The following COL21A1 variants were observed in gnomAD, a reference collection of about 807,000 sequenced individuals.
The protein encoded by COL21A1 is collagen type XXI alpha 1 chain.
COL21A1 carries 149 observed loss-of-function variants against 137.9 expected under a neutral mutation model. That is an observed-to-expected ratio of 1.08 (90% CI 0.95 to 1.24). The LOEUF (loss-of-function observed/expected upper bound fraction) is 1.24, where lower values mean the gene tolerates loss of function less well. Ranked by LOEUF, COL21A1 falls within the 50% of genes most tolerant of loss-of-function variation. The pLI is 0.00. For missense variants in COL21A1, 1,167 were observed against 1,158.4 expected (o/e 1.01, Z -0.11); for synonymous variants, 456 against 391.5 (o/e 1.16, Z -1.95).
At chr6:56,351,902 G>A (rs952979381) in intron 1 of COL21A1, among the ~76,000 whole-genome samples, 16 of 152,170 alleles carry the variant, frequency 1.1e-4, no homozygotes, top group Non-Finnish European at 2.9e-5. Flanking sequence ...CTAGTGTGAG[G>A]TAAATGAAGC....
chr6:56,308,477 C>T (rs1022483887), intron 1 of COL21A1, among the ~76,000 whole-genome samples: 1 of 152,090 alleles, frequency 6.6e-6, no homozygotes, highest in Non-Finnish European at 1.5e-5. Context: ...AAGCCAGTCA[C>T]CAAAAGACAA....
At chr6:56,251,051 G>C (rs921914666), upstream of COL21A1, among the ~76,000 whole-genome samples, 1 of 152,060 alleles carries the variant, frequency 6.6e-6, no homozygotes, top group African/African-American at 2.4e-5. Context: ...GATCAAAAAA[G>C]CCCTTCATTT....
chr6:56,085,636 A>G (rs1200787094), intron 17 of COL21A1, among the ~76,000 whole-genome samples: 4 of 151,880 alleles, frequency 2.6e-5, no homozygotes. Context: ...CCTCTTTTTG[A>G]TCTACTTGTT....
chr6:56,171,850 C>A (rs1777086736), intron 3 of COL21A1, among the ~76,000 whole-genome samples: 1 of 151,764 alleles, frequency 6.6e-6, no homozygotes, highest in Non-Finnish European at 1.5e-5. Flanking sequence ...GTATGATATA[C>A]TTTAGCTGAA....
chr6:56,263,742 T>C (rs1480895167), intron 1 of COL21A1, among the ~76,000 whole-genome samples: 2 of 152,226 alleles, frequency 1.3e-5, no homozygotes, highest in East Asian at 1.9e-4. Context: ...CAAGACTCTA[T>C]GGCTTAATGT....
At chr6:56,307,738 G>A (rs147375924) in intron 1 of COL21A1, among the ~76,000 whole-genome samples, 6 of 152,198 alleles carry the variant, frequency 3.9e-5, no homozygotes, top group South Asian at 2.1e-4. Flanking sequence ...TCCTGCACCC[G>A]CTTTCCGACA....
intron 1 of COL21A1, among the ~76,000 whole-genome samples, chr6:56,323,335 C>T (rs1473236144): frequency 6.6e-6 from 1 of 152,100 alleles, no homozygotes; most frequent in Non-Finnish European, 1.5e-5. Context: ...TGGAAACAAA[C>T]TCAAAGATAA....
chr6:56,359,751 G>A (rs1444390833), intron 1 of COL21A1, among the ~76,000 whole-genome samples: 3 of 152,162 alleles, frequency 2.0e-5, no homozygotes, highest in Non-Finnish European at 4.4e-5. Flanking sequence ...ATTAAACTCA[G>A]TGGTTTTGGC....
In COL21A1 at chr6:56,179,877, GTGTTTCC is replaced by G. The variant is rs1561954190; in HGVS notation, c.334_340del (p.Gly112GlnfsTer22). ...AAACTGGATGGCCTTCCCTGTCTTT[GTGTTTCC>G]TCCTAAGTAGAGTATGGATTCCACT... On this transcript the variant is annotated frameshift_variant, in exon 3 of 30. Coordinates refer to ENST00000244728, the MANE Select transcript of COL21A1 (RefSeq NM_030820.4). LOFTEE classifies it high-confidence loss of function. 1 of 1,613,936 alleles carries G rather than the reference GTGTTTCC, an allele frequency of 6.2e-7. No homozygotes were observed. Among genetic ancestry groups the G allele is most frequent in the Admixed American group, 1.7e-5 (1 of 60,006 alleles).
At chr6:56,314,931 C>A (rs1764698285) in intron 1 of COL21A1, among the ~76,000 whole-genome samples, 6 of 152,112 alleles carry the variant, frequency 3.9e-5, no homozygotes, top group Non-Finnish European at 7.4e-5. Flanking sequence ...GATTTGAGCA[C>A]CTGTAGACAA....
chr6:56,129,675 C>T (rs190298626), intron 12 of COL21A1, among the ~76,000 whole-genome samples: 21 of 136,480 alleles, frequency 1.5e-4, no homozygotes, highest in South Asian at 1.0e-3. Context: ...CACGTGCGTG[C>T]GTGTGTGTGT....
At chr6:56,185,426 CTTTTTT>C (rs777045553) in intron 1 of COL21A1, among the ~76,000 whole-genome samples, 1 of 100,170 alleles carries the variant, frequency 1.0e-5, no homozygotes, top group East Asian at 3.8e-4. Context: ...AATGAACAGT[CTTTTTT>C]TTTTTTTTTT....
chr6:56,090,283 G>A (rs867723858), intron 17 of COL21A1, among the ~76,000 whole-genome samples: 7 of 152,100 alleles, frequency 4.6e-5, no homozygotes, highest in East Asian at 3.8e-4. Flanking sequence ...GATCAGTGCC[G>A]TAGACACAGA....
rs560406439 is a variant in COL21A1, at chr6:56,292,099, G to A, written c.-39+101872C>T. 2.4e-4 allele frequency among the ~76,000 whole-genome samples: 37 copies of A among 152,180 alleles called. 1 individual carries two copies. Among genetic ancestry groups the A allele is most frequent in the African/African-American group, 8.2e-4 (34 of 41,508 alleles). On this transcript the variant is annotated intron_variant, in intron 1 of 28. Coordinates refer to the COL21A1 transcript ENST00000370819. ...CAGGAGAATAGCTTGAACCCGGGAC[G>A]TGGAGGTTGCAGTGAGCTGAGATCA... is the stretch of plus-strand genomic sequence containing the variant.
chr6:56,066,172 A>G (rs1766226028), intron 23 of COL21A1, among the ~76,000 whole-genome samples: 1 of 151,852 alleles, frequency 6.6e-6, no homozygotes, highest in Admixed American at 6.6e-5. Context: ...CTTAACATTT[A>G]CCTCACTCCC....
At chr6:56,100,863 T>G (rs1770395109) in intron 17 of COL21A1, among the ~76,000 whole-genome samples, 1 of 152,194 alleles carries the variant, frequency 6.6e-6, no homozygotes, top group South Asian at 2.1e-4. Context: ...ACACCTCAGC[T>G]ATTACTTCAG....
At position 56,269,364 on chromosome 6, in the gene COL21A1, G is replaced by A. The variant is rs545415237; in HGVS notation, c.-38-86708C>T. Among the ~76,000 whole-genome samples the A allele has an allele frequency of 2.6e-5, 4 of 152,322 alleles. No homozygotes were observed. The East Asian group carries it at 7.7e-4, about 29-fold the overall frequency. The stretch of plus-strand genomic sequence containing the variant: ...AAATCTTACAGGCAGCTAGAAAGAA[G>A]TGACAGGTCGGCCGGGCGCGGTGGC... On this transcript the variant is annotated intron_variant, in intron 1 of 28. Transcript: ENST00000370819.
chr6:56,127,033 C>T (rs1377472766), intron 12 of COL21A1, among the ~76,000 whole-genome samples: 1 of 152,146 alleles, frequency 6.6e-6, no homozygotes, highest in East Asian at 1.9e-4. Context: ...TTCCAAAGCT[C>T]CACATCTCTT....
chr6:56,062,032 G>T (rs2114040701), intron 24 of COL21A1, among the ~76,000 whole-genome samples: 1 of 152,010 alleles, frequency 6.6e-6, no homozygotes, highest in South Asian at 2.1e-4. Flanking sequence ...TAAATATTAG[G>T]TATATTTTTT....
Sources: allele counts gnomAD v4.1 joint callset (sites outside exome capture counted in the v4.1 genomes callset), GRCh38; gene constraint gnomAD v4.1.1; transcripts MANE v1.5; gene names NCBI Gene and HGNC (gene_info 2026-07-23, HGNC 2026-07-21).